The following DOK3 variants were observed in gnomAD, a reference collection of about 807,000 sequenced individuals.
DOK3 encodes the protein Dok-like protein.
DOK3 carries 23 observed loss-of-function variants against 26.2 expected under a neutral mutation model. The ratio of observed to expected loss-of-function variants is 0.88; its 90% CI spans 0.63 to 1.24. The LOEUF (loss-of-function observed/expected upper bound fraction) is 1.24. DOK3 is among the 50% of genes most tolerant of loss of function. The pLI, the probability that DOK3 is intolerant of heterozygous loss-of-function variation, is 0.00. For synonymous variants in DOK3, 268 were observed against 268.2 expected, an observed-to-expected ratio of 1.00 and a Z score of 0.01; for missense variants, 619 against 610.6, an observed-to-expected ratio of 1.01 and a Z score of -0.15.
In DOK3 at chr5:177,509,772, C is replaced by T. The variant is rs202019596; in HGVS notation, c.-132G>A. 2.6e-4 allele frequency: 421 copies of T among 1,612,352 alleles called. 2 individuals carry two copies. The African/African-American group carries it at 4.7e-3, about 18-fold the overall frequency. On this transcript the variant is annotated 5_prime_UTR_variant, in exon 1 of 6. Coordinates refer to ENST00000510898, the MANE Select transcript of DOK3 (RefSeq NM_001308236.3). The stretch of plus-strand genomic sequence containing the variant: ...CCCACACCTACCTGGAGGGAGCCCC[C>T]GGCCACCTGAAGGCAGCCTTCTCAC...
Position 177,504,921 on chromosome 5 carries a change from G to T in DOK3, c.473-6C>A. The T allele has an allele frequency of 6.3e-7, 1 of 1,583,056 alleles. No individual in the cohort carries two copies. ...CACCACGGGAAACTCGCCCACTGTG[G>T]CAGGTGGCCAGGACAGCTCCGTCAG... On this transcript the variant is annotated splice_region_variant and splice_polypyrimidine_tract_variant and intron_variant, in intron 4 of 5. Transcript: ENST00000510898.
In DOK3 at chr5:177,504,202, G is replaced by A. The variant is rs1234582627; in HGVS notation, c.1104C>T (p.Arg368=). ...GGTAGATGGGACTGGTTGTGGGGCTGCGGCTGCCGGGGCCCTCGTGCGGCT... is the reference window on the plus strand; with the variant it reads ...GGTAGATGGGACTGGTTGTGGGGCTACGGCTGCCGGGGCCCTCGTGCGGCT... The part of the protein sequence containing the change: ...EPEPHEGPGS[R]SPTTSPIYHN... The change falls in exon 6 of 6, where the codon CGC becomes CGT. Residue 368 remains arginine (R), a synonymous_variant. Transcript: ENST00000510898. 1.2e-6 allele frequency: 2 copies of A among 1,613,092 alleles called. No homozygotes were observed. The highest frequency in any genetic ancestry group is 1.7e-6 in the Non-Finnish European group (2 of 1,179,698).
At position 177,503,195 on chromosome 5, in the gene DOK3, C is replaced by G; in HGVS notation, c.*788G>C. On this transcript the variant is annotated 3_prime_UTR_variant, in exon 6 of 6. Coordinates refer to ENST00000510898, the MANE Select transcript of DOK3 (RefSeq NM_001308236.3). The stretch of plus-strand genomic sequence containing the variant: ...AGAGGAGGGAACGCAGCATGGAAGT[C>G]TTCAGGAAACTTCTCTCCCCCTGGA... 6.4e-7 allele frequency: 1 copy of G among 1,551,656 alleles called. No individual in the cohort carries two copies. Among genetic ancestry groups the G allele is most frequent in the South Asian group, 1.2e-5 (1 of 84,068 alleles).
In DOK3 at chr5:177,508,415, C is replaced by T. The variant is rs372411602; in HGVS notation, c.194G>A (p.Arg65Gln). The T allele has an allele frequency of 1.9e-5, 31 of 1,602,244 alleles. No homozygotes were observed. The highest frequency in any genetic ancestry group is 5.3e-5 in the African/African-American group (4 of 74,892). Residue 65 changes from arginine to glutamine, a missense_variant, in exon 3 of 6, where the codon CGG becomes CAG. Physicochemically the swap from Arg to Gln is conservative, Grantham distance 43 (BLOSUM62 1). Transcript: ENST00000510898. ...GCGGATGACCCGTCGCTCCCCTCGC[C>T]GGCCAGGCCCTGCCGACCTGTCACC... Reference protein sequence around the residue: ...AAGDRSAGPGRRGERRVIRLA... With the variant: ...AAGDRSAGPGQRGERRVIRLA...
In DOK3 at chr5:177,502,491, A is replaced by G. The variant is rs1484215912; in HGVS notation, c.*1492T>C. 2 of 153,374 alleles carry G rather than the reference A, an allele frequency of 1.3e-5. No individual in the cohort carries two copies. Among genetic ancestry groups the G allele is most frequent in the Non-Finnish European group, 1.5e-5 (1 of 68,836 alleles). 9.5% of individuals were successfully genotyped at this position (153,374 alleles called of 1,614,324 possible). ...CTGAGGTGAAAGGAGCCGGGATCAG[A>G]GCACAGCTGGGGACAGACACTGTTT... On this transcript the variant is annotated 3_prime_UTR_variant, in exon 6 of 6. Transcript: ENST00000510898.
Position 177,509,641 on chromosome 5 carries a change from CCTCCGTCT to C in DOK3, c.-109_-102del, listed in dbSNP as rs768190935. 7.6e-6 allele frequency: 12 copies of C among 1,588,072 alleles called. No individual in the cohort carries two copies. In the South Asian group the frequency reaches 1.1e-4, roughly 15 times the overall value. On this transcript the variant is annotated 5_prime_UTR_variant, in exon 2 of 6. Coordinates refer to ENST00000510898, the MANE Select transcript of DOK3 (RefSeq NM_001308236.3). Reference sequence around the variant, plus strand: ...CTTCCCCTTCTGGCCACTTCCCGTCCCTCCGTCTAGAGACAGCTGCAGGCCGGGGGGAG... The same window carrying C: ...CTTCCCCTTCTGGCCACTTCCCGTCCAGAGACAGCTGCAGGCCGGGGGGAG...
In DOK3 at chr5:177,509,801, C is replaced by A; in HGVS notation, c.-161G>T. ...CACCTGAAGGCAGCCTTCTCACGCACCTGGTTCAGCTGGGCACGCGCGTCT... is the reference window on the plus strand; with the variant it reads ...CACCTGAAGGCAGCCTTCTCACGCAACTGGTTCAGCTGGGCACGCGCGTCT... On this transcript the variant is annotated 5_prime_UTR_variant, in exon 1 of 6. Coordinates refer to ENST00000510898, the MANE Select transcript of DOK3 (RefSeq NM_001308236.3). 1.2e-6 allele frequency: 2 copies of A among 1,611,922 alleles called. No individual in the cohort carries two copies. The highest frequency in any genetic ancestry group is 2.2e-5 in the East Asian group (1 of 44,860).
chr5:177,508,195 C>G (rs1490432832), intron 3 of DOK3, 42 bp downstream of exon 3: 1 of 1,360,540 alleles, frequency 7.4e-7, no homozygotes, highest in Admixed American at 3.2e-5. Context: ...AAGTCGGGGG[C>G]AGGTGCCCCA....
Position 177,504,734 on chromosome 5 carries a change from G to C in DOK3, c.645+9C>G. The C allele has an allele frequency of 6.2e-7, 1 of 1,614,002 alleles. No individual in the cohort carries two copies. Among genetic ancestry groups the C allele is most frequent in the Non-Finnish European group, 8.5e-7 (1 of 1,179,916 alleles). ...CAGCCCCTCACCCTTTCCCACCCCT[G>C]CACCTCACCTTGTCGGAGCCGAACT... On this transcript the variant is annotated intron_variant, in intron 5 of 5. Coordinates refer to ENST00000510898, the MANE Select transcript of DOK3 (RefSeq NM_001308236.3).
At chr5:177,505,221 C>A in intron 3 of DOK3, 111 bp from the exon 4 acceptor site, 1 of 983,962 alleles carries the variant, frequency 1.0e-6, no homozygotes, top group South Asian at 1.7e-5. Context: ...GGCCTGGGCT[C>A]CAGTTCCAGC....
At chr5:177,507,177 TTTC>T (rs1279936880) in intron 3 of DOK3, among the ~76,000 whole-genome samples, 2 of 151,804 alleles carry the variant, frequency 1.3e-5, no homozygotes, top group South Asian at 2.1e-4. Flanking sequence ...CATTTCTTTC[TTTC>T]TTCTTTTCTT....
intron 3 of DOK3, among the ~76,000 whole-genome samples, chr5:177,508,011 G>A (rs1179755522): frequency 6.6e-6 from 1 of 152,232 alleles, no homozygotes; most frequent in Non-Finnish European, 1.5e-5. Context: ...TCCTCTGAGA[G>A]GCCTTCCCTG....
intron 3 of DOK3, among the ~76,000 whole-genome samples, chr5:177,506,128 A>G (rs1760125996): frequency 6.6e-6 from 1 of 151,520 alleles, no homozygotes; most frequent in South Asian, 2.1e-4. Flanking sequence ...AATTTTTTGT[A>G]TTTTTAGTAG....
intron 3 of DOK3, among the ~76,000 whole-genome samples, chr5:177,506,559 G>A (rs1361319639): frequency 6.6e-6 from 1 of 151,228 alleles, no homozygotes; most frequent in Non-Finnish European, 1.5e-5. Flanking sequence ...GGCTGGTCTC[G>A]AACTCCTGAC....
intron 3 of DOK3, among the ~76,000 whole-genome samples, chr5:177,507,438 G>A (rs1760343385): frequency 6.6e-6 from 1 of 152,124 alleles, no homozygotes; most frequent in Non-Finnish European, 1.5e-5. Context: ...GAGTAGTGCT[G>A]CTATGGACGT....
rs772103537 is a variant in DOK3 at position 177,504,246 on chromosome 5, G to A, written c.1060C>T (p.Leu354=). The change falls in exon 6 of 6, where the codon CTG becomes TTG. Residue 354 remains leucine, a synonymous_variant. Coordinates refer to ENST00000510898, the MANE Select transcript of DOK3 (RefSeq NM_001308236.3). ...NLCVLEASPT[L]HGGEPEPHEG... ...TGCGGCTCAGGTTCCCCACCGTGCA[G>A]CGTGGGGCTGGCCTCCAGCACACAC... The A allele has an allele frequency of 1.9e-6, 3 of 1,610,906 alleles. No homozygotes were observed. The South Asian group carries it at 3.3e-5, about 18-fold the overall frequency.
At chr5:177,507,359 G>A (rs1217838420) in intron 3 of DOK3, among the ~76,000 whole-genome samples, 2 of 152,042 alleles carry the variant, frequency 1.3e-5, no homozygotes, top group East Asian at 3.8e-4. Flanking sequence ...TCTTGCGGAC[G>A]GACCACGTTT....
chr5:177,504,928 G>A lies in DOK3; in HGVS notation c.473-13C>T. On this transcript the variant is annotated splice_polypyrimidine_tract_variant and intron_variant, in intron 4 of 5. Transcript: ENST00000510898. ...GGAAACTCGCCCACTGTGGCAGGTG[G>A]CCAGGACAGCTCCGTCAGTCCCAAA... 4 of 1,581,534 alleles carry A rather than the reference G, an allele frequency of 2.5e-6. No homozygotes were observed. Among genetic ancestry groups the A allele is most frequent in the Non-Finnish European group, 3.4e-6 (4 of 1,162,270 alleles).
At position 177,503,431 on chromosome 5, in the gene DOK3, T is replaced by C; in HGVS notation, c.*552A>G. 1 of 1,503,744 alleles carries C rather than the reference T, an allele frequency of 6.7e-7. No individual in the cohort carries two copies. The highest frequency in any genetic ancestry group is 8.9e-7 in the Non-Finnish European group (1 of 1,117,978). The allele number at this position is 1,503,744 out of a possible 1,614,324, so 93.2% of individuals were successfully genotyped here. ...GAGTTTCAGCAGGGAACAAGTGTTT[T>C]GGACGAGGGTGTCTCTGAAATCCCT... On this transcript the variant is annotated 3_prime_UTR_variant, in exon 6 of 6. Coordinates refer to ENST00000510898, the MANE Select transcript of DOK3 (RefSeq NM_001308236.3).
Sources: gnomAD v4.1 joint callset for allele counts (sites outside exome capture counted in the v4.1 genomes callset) on GRCh38, gnomAD v4.1.1 for gene constraint, MANE v1.5 for transcripts, NCBI Gene and HGNC (gene_info 2026-07-23, HGNC 2026-07-21) for gene names.